Variants in TMEM131 observed in about 807,000 individuals in gnomAD.
The protein encoded by TMEM131 is transmembrane protein 131.
A neutral mutation model predicts 211.6 loss-of-function variants in TMEM131; 66 were observed. The ratio of observed to expected loss-of-function variants is 0.31; its 90% confidence interval spans 0.26 to 0.38. The LOEUF (loss-of-function observed/expected upper bound fraction) is 0.38, where lower values mean the gene tolerates loss of function less well. Ranked by LOEUF, TMEM131 falls within the 10% of genes least tolerant of loss-of-function variation. The probability of loss-of-function intolerance (pLI) is 1.00; values close to 1 mark genes in which losing one functional copy is unlikely to be tolerated. For synonymous variants in TMEM131, 844 were observed against 841.3 expected (o/e 1.00, Z -0.06); for missense variants, 2,036 against 2,299.3 (o/e 0.89, Z 2.34).
At chr2:97,978,937 T>C (rs1436569147) in intron 1 of TMEM131, among the ~76,000 whole-genome samples, 3 of 152,210 alleles carry the variant, frequency 2.0e-5, no homozygotes, top group African/African-American at 7.2e-5. Context: ...AAAAAATGTA[T>C]TTTTAAAATA....
At chr2:97,824,372 C>T (rs1170595898) in intron 11 of TMEM131, among the ~76,000 whole-genome samples, 2 of 152,232 alleles carry the variant, frequency 1.3e-5, no homozygotes, top group Non-Finnish European at 2.9e-5. Context: ...CACCTGGACA[C>T]TGGTGCAGCC....
chr2:97,876,796 C>G (rs922906810), intron 4 of TMEM131, among the ~76,000 whole-genome samples: 1 of 152,180 alleles, frequency 6.6e-6, no homozygotes, highest in Non-Finnish European at 1.5e-5. Context: ...TGGCACCAGA[C>G]AAGGATGCCC....
chr2:97,775,793 G>C lies in TMEM131; in HGVS notation c.4320+50C>G, dbSNP rs73959809. 69 of 1,568,534 alleles carry C rather than the reference G, an allele frequency of 4.4e-5. No homozygotes were observed. The African/African-American group carries it at 8.6e-4, about 20-fold the overall frequency. On this transcript the variant is annotated intron_variant, in intron 32 of 40. Transcript: ENST00000186436. ...GAGATGGAAGGTCTTGTGAGCTGCA[G>C]GAGACCTCTCTTTCTCCCTCGTGTT...
In TMEM131 at chr2:97,834,673, A is replaced by G; in HGVS notation, c.960T>C (p.Pro320=). 1 of 1,589,892 alleles carries G rather than the reference A, an allele frequency of 6.3e-7. No homozygotes were observed. Among genetic ancestry groups the G allele is most frequent in the South Asian group, 1.1e-5 (1 of 87,044 alleles). ...ACATTTCAGTTGAGGAATAAATTCC[A>G]GGAGCTTGGAAAAAAGAAAAGTCAA... The part of the protein sequence containing the change: ...LPVEVEVTTA[P]GIYSSTEMLD... Residue 320 remains proline (P), a synonymous_variant, in exon 10 of 41, where the codon CCT becomes CCC. Coordinates refer to ENST00000186436, the MANE Select transcript of TMEM131 (RefSeq NM_015348.2).
chr2:97,827,564 T>C lies in TMEM131; in HGVS notation c.1074+5801A>G, dbSNP rs542404242. 4.3e-5 allele frequency: 39 copies of C among 913,742 alleles called. No homozygotes were observed. The South Asian group carries it at 4.3e-4, about 10-fold the overall frequency. 56.6% of individuals were successfully genotyped at this position (913,742 alleles called of 1,614,324 possible). Reference sequence around the variant, plus strand: ...AAGTCTGATTAATAACCATATACCATGTCTTATCAGTGGTCCCTGTCTCCC... The same window carrying C: ...AAGTCTGATTAATAACCATATACCACGTCTTATCAGTGGTCCCTGTCTCCC... On this transcript the variant is annotated intron_variant, in intron 11 of 40. Coordinates refer to ENST00000186436, the MANE Select transcript of TMEM131 (RefSeq NM_015348.2).
At chr2:97,940,260 G>C (rs1173134776) in intron 1 of TMEM131, among the ~76,000 whole-genome samples, 1 of 152,116 alleles carries the variant, frequency 6.6e-6, no homozygotes, top group Admixed American at 6.5e-5. Flanking sequence ...ACATGATTGT[G>C]TATTTAGAAA....
At chr2:97,918,271 C>A (rs77817202) in intron 2 of TMEM131, among the ~76,000 whole-genome samples, 3 of 152,052 alleles carry the variant, frequency 2.0e-5, no homozygotes, top group Non-Finnish European at 2.9e-5. Context: ...TGATGACCAA[C>A]CCCCATCTTG....
intron 4 of TMEM131, among the ~76,000 whole-genome samples, chr2:97,874,778 T>C (rs1674625765): frequency 6.6e-6 from 1 of 152,106 alleles, no homozygotes; most frequent in Non-Finnish European, 1.5e-5. Context: ...ATATACTAAA[T>C]TGTAAAGAAC....
intron 1 of TMEM131, among the ~76,000 whole-genome samples, chr2:97,983,565 G>A (rs1679894756): frequency 6.6e-6 from 1 of 152,112 alleles, no homozygotes. Context: ...CATAACTGAA[G>A]CCTGTCAGTA....
chr2:97,797,540 A>T (rs1329282884), intron 25 of TMEM131, 24 bp from the exon 26 acceptor site: 4 of 1,592,118 alleles, frequency 2.5e-6, no homozygotes, highest in East Asian at 2.2e-5. Flanking sequence ...GTAAACAGAG[A>T]GGAGTCATGA....
At position 97,792,715 on chromosome 2, in the gene TMEM131, T is replaced by A; in HGVS notation, c.3815A>T (p.Gln1272Leu). The change falls in exon 31 of 41, where the codon CAA becomes CTA. Residue 1272 changes from glutamine (Q) to leucine (L), a missense_variant. Coordinates refer to ENST00000186436, the MANE Select transcript of TMEM131 (RefSeq NM_015348.2). ...GGACTTTCTGCCCGCTGTATGACCTTGAGTCACTGTGTTCGAATCTAAGAC... is the reference window on the plus strand; with the variant it reads ...GGACTTTCTGCCCGCTGTATGACCTAGAGTCACTGTGTTCGAATCTAAGAC... ...PLVLDSNTVT[Q>L]GHTAGRKSKG... The A allele has an allele frequency of 6.2e-7, 1 of 1,614,020 alleles. No individual in the cohort carries two copies. The highest frequency in any genetic ancestry group is 8.5e-7 in the Non-Finnish European group (1 of 1,179,882).
chr2:97,815,222 TG>T lies in TMEM131; in HGVS notation c.1268del (p.Pro423HisfsTer7). 6.4e-7 allele frequency: 1 copy of T among 1,553,642 alleles called. No homozygotes were observed. The part of the protein sequence containing the change: ...KEKSYSKLEI[P>X]YQAEVLDGYL... Reference sequence around the variant, plus strand: ...ACCCATCTAAAACTTCTGCTTGATATGGTATTTCAAGTTTAGAATAACTCTT... The same window carrying T: ...ACCCATCTAAAACTTCTGCTTGATATGTATTTCAAGTTTAGAATAACTCTT... On this transcript the variant is annotated frameshift_variant, in exon 13 of 41. Transcript: ENST00000186436. LOFTEE classifies it high-confidence loss of function.
At chr2:97,833,912 C>T (rs1284950345) in intron 10 of TMEM131, among the ~76,000 whole-genome samples, 5 of 152,144 alleles carry the variant, frequency 3.3e-5, no homozygotes, top group Admixed American at 2.0e-4. Context: ...CCCTGCCTGC[C>T]TCCACCTCCC....
intron 4 of TMEM131, among the ~76,000 whole-genome samples, chr2:97,880,628 G>A (rs553493901): frequency 2.1e-4 from 32 of 152,254 alleles, no homozygotes; most frequent in African/African-American, 7.0e-4. Context: ...CTGTGGTACC[G>A]TTCATGGACT....
At chr2:97,934,213 T>C (rs566728000) in intron 1 of TMEM131, among the ~76,000 whole-genome samples, 2 of 152,300 alleles carry the variant, frequency 1.3e-5, no homozygotes, top group South Asian at 4.1e-4. Flanking sequence ...AGTACATTTC[T>C]ATATACTAAC....
At chr2:97,878,714 G>A (rs929736283) in intron 4 of TMEM131, among the ~76,000 whole-genome samples, 6 of 152,158 alleles carry the variant, frequency 3.9e-5, no homozygotes, top group Non-Finnish European at 8.8e-5. Context: ...GGGGGCTAGA[G>A]GAGGGATAAC....
chr2:97,808,631 T>C (rs925141139), intron 19 of TMEM131, among the ~76,000 whole-genome samples: 1 of 152,218 alleles, frequency 6.6e-6, no homozygotes, highest in Non-Finnish European at 1.5e-5. Context: ...TGTTCCTTCA[T>C]CCATACATTA....
At chr2:97,903,693 ATTTAT>A (rs775676384) in intron 3 of TMEM131, among the ~76,000 whole-genome samples, 22 of 152,060 alleles carry the variant, frequency 1.4e-4, no homozygotes, top group Non-Finnish European at 2.4e-4. Flanking sequence ...TTGTTTATTT[ATTTAT>A]TTATTTATTT....
At chr2:97,857,712 A>G (rs1208461625) in intron 5 of TMEM131, among the ~76,000 whole-genome samples, 2 of 152,182 alleles carry the variant, frequency 1.3e-5, no homozygotes, top group East Asian at 3.9e-4. Context: ...CTGAAGTGTA[A>G]TATGATATAA....
Sources: gnomAD v4.1 joint callset for allele counts (sites outside exome capture counted in the v4.1 genomes callset) on GRCh38, gnomAD v4.1.1 for gene constraint, MANE v1.5 for transcripts, NCBI Gene and HGNC (gene_info 2026-07-23, HGNC 2026-07-21) for gene names.